R3HDM2: variants seen among roughly 807,000 people sequenced by gnomAD.
The protein encoded by R3HDM2 is R3H domain-containing protein 2.
R3HDM2 carries 38 observed loss-of-function variants against 124.5 expected under a neutral mutation model. The observed-to-expected ratio is 0.31, with a 90% confidence interval of 0.24 to 0.40. The LOEUF is 0.40. R3HDM2 is among the 10% of genes least tolerant of loss of function. The probability of loss-of-function intolerance (pLI) is 1.00; values close to 1 mark genes in which losing one functional copy is unlikely to be tolerated. For synonymous variants in R3HDM2, 391 were observed against 448.0 expected, an observed-to-expected ratio of 0.87 and a Z score of 1.61; for missense variants, 869 against 1,236.9, an observed-to-expected ratio of 0.70 and a Z score of 4.46.
In R3HDM2 at chr12:57,413,853, T is replaced by C. The variant is rs994086818; in HGVS notation, c.-106+16867A>G. Among the ~76,000 whole-genome samples the C allele has an allele frequency of 4.7e-5, 7 of 148,986 alleles. 1 individual carries two copies. In the South Asian group the frequency reaches 8.7e-4, roughly 19 times the overall value. On this transcript the variant is annotated intron_variant, in intron 1 of 23. Coordinates refer to ENST00000402412, the MANE Select transcript of R3HDM2 (RefSeq NM_001394031.1). Reference sequence around the variant, plus strand: ...TAGATCTGTAATCCCCCCCCTTTTTTTTTTTTTTTTTGAGATGGAGTCTCA... The same window carrying C: ...TAGATCTGTAATCCCCCCCCTTTTTCTTTTTTTTTTTGAGATGGAGTCTCA...
intron 5 of R3HDM2, 128 bp downstream of exon 5, chr12:57,299,967 C>T (rs1348458259): frequency 1.3e-6 from 1 of 751,276 alleles, no homozygotes; most frequent in African/African-American, 1.8e-5. Flanking sequence ...TGTTTTACTA[C>T]AACAGCTTTT....
intron 2 of R3HDM2, among the ~76,000 whole-genome samples, chr12:57,342,025 G>A (rs535611459): frequency 2.6e-5 from 4 of 152,238 alleles, no homozygotes; most frequent in Middle Eastern, 6.8e-3. Flanking sequence ...ACAAAACTTA[G>A]CACTTCAAAA....
intron 3 of R3HDM2, chr12:57,304,348 G>A (rs999248940): frequency 7.1e-5 from 15 of 211,650 alleles, no homozygotes; most frequent in African/African-American, 3.3e-4. Context: ...AAGAGGTTGG[G>A]TAGGGTTATA....
At chr12:57,339,777 T>C (rs1165863210) in intron 2 of R3HDM2, among the ~76,000 whole-genome samples, 2 of 151,916 alleles carry the variant, frequency 1.3e-5, no homozygotes, top group African/African-American at 2.4e-5. Context: ...GAGAGGAAGA[T>C]ATCAGAGAGA....
intron 10 of R3HDM2, among the ~76,000 whole-genome samples, chr12:57,295,018 G>C (rs146683602): frequency 6.6e-6 from 1 of 152,194 alleles, no homozygotes; most frequent in South Asian, 2.1e-4. Context: ...GTAGCTTTTT[G>C]TGGTTCCCAA....
chr12:57,383,500 C>G (rs867244385), intron 2 of R3HDM2, among the ~76,000 whole-genome samples: 6 of 151,480 alleles, frequency 4.0e-5, no homozygotes, highest in Middle Eastern at 3.4e-3. Context: ...GTCAGGAGTT[C>G]AAGACCAGCC....
chr12:57,368,924 GCA>G (rs777423405), intron 2 of R3HDM2, among the ~76,000 whole-genome samples: 2 of 152,114 alleles, frequency 1.3e-5, no homozygotes, highest in Non-Finnish European at 1.5e-5. Flanking sequence ...CTCTAACTTT[GCA>G]CACAGTCAGC....
chr12:57,268,571 C>T (rs2042960206), intron 17 of R3HDM2, 114 bp from the exon 18 acceptor site: 2 of 1,112,184 alleles, frequency 1.8e-6, no homozygotes, highest in Non-Finnish European at 2.6e-6. Flanking sequence ...TACCTTAGAT[C>T]CTCCTCCTGT....
chr12:57,327,193 A>G (rs979825514), intron 2 of R3HDM2, among the ~76,000 whole-genome samples: 5 of 152,142 alleles, frequency 3.3e-5, no homozygotes, highest in African/African-American at 7.2e-5. Context: ...AGGGCCAGAC[A>G]TGGTGGTTCA....
intron 2 of R3HDM2, among the ~76,000 whole-genome samples, chr12:57,366,847 G>A (rs888486686): frequency 8.6e-5 from 13 of 151,972 alleles, no homozygotes; most frequent in Admixed American, 2.6e-4. Context: ...CCGCCACCAC[G>A]CCCAGGTAAT....
At chr12:57,267,686 C>T (rs552609275) in intron 18 of R3HDM2, among the ~76,000 whole-genome samples, 37 of 152,314 alleles carry the variant, frequency 2.4e-4, no homozygotes, top group African/African-American at 8.7e-4. Context: ...TACTGGGAGA[C>T]AGGCATACAG....
intron 1 of R3HDM2, among the ~76,000 whole-genome samples, chr12:57,407,299 A>G (rs972007579): frequency 1.3e-5 from 2 of 152,066 alleles, no homozygotes; most frequent in African/African-American, 4.8e-5. Flanking sequence ...CTGACCAACT[A>G]TAACAGACTT....
intron 2 of R3HDM2, among the ~76,000 whole-genome samples, chr12:57,336,429 T>G (rs971456954): frequency 6.6e-6 from 1 of 152,126 alleles, no homozygotes; most frequent in Non-Finnish European, 1.5e-5. Context: ...TGCCCATCAA[T>G]GACAGACTGG....
rs533158469 is a variant in R3HDM2, at chr12:57,403,607, G to A, written c.-105-7789C>T. The stretch of plus-strand genomic sequence containing the variant: ...GTGTATTGCTTGAGCTCAGGAATTC[G>A]AGACCAGCCTGGGCAACATGGCAAA... On this transcript the variant is annotated intron_variant, in intron 1 of 23. Coordinates refer to ENST00000402412, the MANE Select transcript of R3HDM2 (RefSeq NM_001394031.1). Among the ~76,000 whole-genome samples, 9 of 152,144 alleles carry A rather than the reference G, an allele frequency of 5.9e-5. No individual in the cohort carries two copies. In the East Asian group the frequency reaches 9.7e-4, roughly 16 times the overall value.
rs996461789 is a variant in R3HDM2, at chr12:57,316,653, T to C, written c.-35-6190A>G. ...CAGGTTAGAGTACGGTGGTGAGATC[T>C]TGGCTTACTGCAACCTCCACCTCCC... On this transcript the variant is annotated intron_variant, in intron 2 of 23. Transcript: ENST00000402412. 3.6e-4 allele frequency among the ~76,000 whole-genome samples: 55 copies of C among 151,050 alleles called. 1 individual carries two copies. The highest frequency in any genetic ancestry group is 1.2e-3 in the African/African-American group (50 of 41,006).
intron 2 of R3HDM2, among the ~76,000 whole-genome samples, chr12:57,386,079 T>C (rs960775898): frequency 1.2e-4 from 19 of 152,270 alleles, no homozygotes. Flanking sequence ...GTTGCTGCTG[T>C]TTTGTAAAAA....
At chr12:57,298,763 A>G (rs2050447364) in intron 6 of R3HDM2, among the ~76,000 whole-genome samples, 1 of 151,896 alleles carries the variant, frequency 6.6e-6, no homozygotes, top group South Asian at 2.1e-4. Flanking sequence ...GAAGTTCAAG[A>G]CCAGCCTGGC....
chr12:57,361,883 G>T (rs1158368565), intron 2 of R3HDM2, among the ~76,000 whole-genome samples: 3 of 152,150 alleles, frequency 2.0e-5, no homozygotes, highest in Admixed American at 2.0e-4. Flanking sequence ...AGCAGCTTTT[G>T]CCAACCAAGA....
intron 14 of R3HDM2, among the ~76,000 whole-genome samples, chr12:57,278,305 G>A (rs1468995844): frequency 1.3e-5 from 2 of 152,080 alleles, no homozygotes; most frequent in Non-Finnish European, 2.9e-5. Context: ...AGAAGATTGG[G>A]GTTTAGGGCC....
Sources: allele counts gnomAD v4.1 joint callset (sites outside exome capture counted in the v4.1 genomes callset), GRCh38; gene constraint gnomAD v4.1.1; transcripts MANE v1.5; gene names NCBI Gene and HGNC (gene_info 2026-07-23, HGNC 2026-07-21).